NEK10: variants seen among roughly 807,000 people sequenced by gnomAD.
NEK10 encodes the protein serine/threonine-protein kinase Nek10.
In NEK10, 122 loss-of-function variants were observed where a neutral mutation model predicts 159.8. The ratio of observed to expected loss-of-function variants is 0.76; its 90% CI spans 0.66 to 0.89. NEK10 has a LOEUF of 0.89. Ranked by LOEUF, NEK10 falls within the 40% of genes least tolerant of loss-of-function variation. The pLI, the probability that NEK10 is intolerant of heterozygous loss-of-function variation, is 0.00. For missense variants in NEK10, 1,342 were observed against 1,323.1 expected (o/e 1.01, Z -0.22); for synonymous variants, 466 against 457.1 (o/e 1.02, Z -0.25).
chr3:27,358,024 G>T (rs1490182244), intron 1 of NEK10, among the ~76,000 whole-genome samples: 1 of 152,184 alleles, frequency 6.6e-6, no homozygotes, highest in Non-Finnish European at 1.5e-5. Context: ...GAAAACCACT[G>T]ATTCTCTAAC....
At chr3:27,111,408 A>G (rs564501327) in intron 35 of NEK10, 88 bp from the exon 36 acceptor site, 4 of 957,372 alleles carry the variant, frequency 4.2e-6, no homozygotes, top group African/African-American at 3.4e-5. Flanking sequence ...GCTCAGGCAT[A>G]TAAGTAAATA....
chr3:27,215,732 G>T (rs867808214), intron 23 of NEK10: 2 of 706,410 alleles, frequency 2.8e-6, no homozygotes, highest in Admixed American at 4.0e-5. Flanking sequence ...ATTGGCTCAC[G>T]GTTCTGCAGG....
At chr3:27,227,953 C>G (rs1342531922) in intron 23 of NEK10, among the ~76,000 whole-genome samples, 1 of 152,126 alleles carries the variant, frequency 6.6e-6, no homozygotes, top group Non-Finnish European at 1.5e-5. Context: ...CTTGTTTAAA[C>G]TCAGACACTG....
intron 26 of NEK10, among the ~76,000 whole-genome samples, chr3:27,185,183 G>A (rs1948499329): frequency 2.0e-5 from 3 of 152,132 alleles, no homozygotes. Context: ...CTACCAGCCT[G>A]CTCCTCCAAA....
intron 5 of NEK10, among the ~76,000 whole-genome samples, chr3:27,330,010 T>A (rs1338477378): frequency 6.6e-6 from 1 of 152,074 alleles, no homozygotes; most frequent in African/African-American, 2.4e-5. Flanking sequence ...AGATTACTCA[T>A]AATACCTAAT....
chr3:27,148,499 G>C (rs1944522315), intron 30 of NEK10, among the ~76,000 whole-genome samples: 1 of 152,142 alleles, frequency 6.6e-6, no homozygotes, highest in Admixed American at 6.5e-5. Context: ...TAAGGTCTTT[G>C]ATATCCAGGT....
At chr3:27,309,235 T>C (rs768001954) in intron 9 of NEK10, 5 of 263,502 alleles carry the variant, frequency 1.9e-5, no homozygotes, top group Non-Finnish European at 3.6e-5. Context: ...TCTCTTATGT[T>C]TTTTTCTTAA....
intron 26 of NEK10, among the ~76,000 whole-genome samples, chr3:27,182,093 G>A (rs113546007): frequency 1.8e-4 from 28 of 152,130 alleles, no homozygotes; most frequent in African/African-American, 4.6e-4. Flanking sequence ...ACAGAGTTTC[G>A]GTGAGATGGG....
In NEK10 at chr3:27,133,342, C is replaced by G. The variant is rs144134890; in HGVS notation, c.2971-1352G>C. Among the ~76,000 whole-genome samples the G allele has an allele frequency of 4.7e-3, 709 of 152,256 alleles. 6 individuals are homozygous for G. Among genetic ancestry groups the G allele is most frequent in the African/African-American group, 0.016 (673 of 41,544 alleles). On this transcript the variant is annotated intron_variant, in intron 31 of 35. Coordinates refer to ENST00000691995, the MANE Select transcript of NEK10 (RefSeq NM_001394966.1). ...ATGGCAGAGCAAAGAATAGGGCCTA[C>G]AGGGAGGGGCTCACAACACTGATTG...
intron 25 of NEK10, among the ~76,000 whole-genome samples, chr3:27,196,807 C>A (rs1248776482): frequency 1.3e-5 from 2 of 152,190 alleles, no homozygotes; most frequent in Admixed American, 1.3e-4. Context: ...TTTGTCTTGA[C>A]ACCTCTGACG....
intron 23 of NEK10, among the ~76,000 whole-genome samples, chr3:27,230,019 A>T (rs1002275640): frequency 7.9e-5 from 12 of 152,194 alleles, no homozygotes; most frequent in Non-Finnish European, 1.6e-4. Context: ...AGCTCGAAGA[A>T]CTCCTGGGAA....
At chr3:27,162,303 C>T in intron 30 of NEK10, 1 of 1,303,898 alleles carries the variant, frequency 7.7e-7, no homozygotes, top group Non-Finnish European at 1.0e-6. Flanking sequence ...TTGTTACCAT[C>T]AAATCGCCAA....
Position 27,119,771 on chromosome 3 carries a change from T to C in NEK10, c.3179A>G (p.Asn1060Ser), listed in dbSNP as rs944828608. Residue 1060 changes from asparagine to serine, a missense_variant, in exon 33 of 36, where the codon AAT becomes AGT. Transcript: ENST00000691995. The part of the protein sequence containing the change: ...RSSGGNSLSP[N>S]DPTGLPTSIE... ...TTGATCACTATTACCTGTAGGGTCA[T>C]TTGGGGACAGGCTGTTTCCACCGGA... 3.1e-6 allele frequency: 5 copies of C among 1,613,418 alleles called. No individual in the cohort carries two copies. In the Admixed American group the frequency reaches 6.7e-5, roughly 22 times the overall value.
chr3:27,264,947 A>T (rs1045142147), intron 22 of NEK10, among the ~76,000 whole-genome samples: 7 of 149,932 alleles, frequency 4.7e-5, no homozygotes, highest in Admixed American at 2.2e-4. Context: ...TAATAATTTT[A>T]AAAAATCATC....
chr3:27,175,089 A>G (rs2148886087), intron 26 of NEK10, among the ~76,000 whole-genome samples: 1 of 152,334 alleles, frequency 6.6e-6, no homozygotes, highest in Non-Finnish European at 1.5e-5. Flanking sequence ...AAAGGCCCAT[A>G]TAACCCAGTA....
At chr3:27,193,362 T>C (rs1949276558) in intron 25 of NEK10, among the ~76,000 whole-genome samples, 1 of 152,156 alleles carries the variant, frequency 6.6e-6, no homozygotes, top group African/African-American at 2.4e-5. Context: ...AGAATACTAT[T>C]CCTAAATCTG....
chr3:27,227,254 G>A (rs889907667), intron 23 of NEK10, among the ~76,000 whole-genome samples: 2 of 152,192 alleles, frequency 1.3e-5, no homozygotes, highest in Admixed American at 6.5e-5. Context: ...TGGACAGACA[G>A]GAGGAGGGGT....
At chr3:27,152,890 A>G (rs1336229366) in intron 30 of NEK10, among the ~76,000 whole-genome samples, 5 of 152,256 alleles carry the variant, frequency 3.3e-5, no homozygotes, top group African/African-American at 1.2e-4. Context: ...AAAACTTTAA[A>G]GCAACAGCAG....
chr3:27,205,552 C>T lies in NEK10; in HGVS notation c.2091-2995G>A, dbSNP rs552856078. On this transcript the variant is annotated intron_variant, in intron 23 of 35. Transcript: ENST00000691995. Reference sequence around the variant, plus strand: ...AGAACAGAGCCCTCAGAAATAATGCCGCATACCTACAACTATCTGATCTTT... The same window carrying T: ...AGAACAGAGCCCTCAGAAATAATGCTGCATACCTACAACTATCTGATCTTT... Among the ~76,000 whole-genome samples the T allele has an allele frequency of 5.2e-3, 626 of 120,058 alleles. 14 individuals carry two copies. Among genetic ancestry groups the T allele is most frequent in the Admixed American group, 0.026 (294 of 11,256 alleles). The allele number at this position is 120,058 out of a possible 152,430, so 78.8% of individuals were successfully genotyped here. A position where few individuals can be genotyped will look rare whatever the true frequency, so the allele number is the denominator to read the frequency against.
Sources: gnomAD v4.1 joint callset for allele counts (sites outside exome capture counted in the v4.1 genomes callset) on GRCh38, gnomAD v4.1.1 for gene constraint, MANE v1.5 for transcripts, NCBI Gene and HGNC (gene_info 2026-07-23, HGNC 2026-07-21) for gene names.